The following DIS3L2 variants were observed in gnomAD, a reference collection of about 807,000 sequenced individuals.
The protein encoded by DIS3L2 is DIS3 like 3'-5' exoribonuclease 2.
Under a neutral mutation model 97.5 loss-of-function variants are expected in DIS3L2, and 34 were observed. The observed-to-expected ratio is 0.35, with a 90% CI of 0.27 to 0.46. The LOEUF (loss-of-function observed/expected upper bound fraction) is 0.46, where lower values mean the gene tolerates loss of function less well. Among genes scored for constraint, DIS3L2 ranks in the 20% least tolerant of loss-of-function variants. The pLI, the probability that DIS3L2 is intolerant of heterozygous loss-of-function variation, is 1.00. For missense variants in DIS3L2, 1,038 were observed against 1,146.0 expected, an observed-to-expected ratio of 0.91 and a Z score of 1.36; for synonymous variants, 435 against 445.2, an observed-to-expected ratio of 0.98 and a Z score of 0.29.
chr2:232,083,916 C>T (rs1399038750), intron 5 of DIS3L2, among the ~76,000 whole-genome samples: 3 of 152,146 alleles, frequency 2.0e-5, no homozygotes, highest in African/African-American at 7.2e-5. Flanking sequence ...ACAGGAAAAA[C>T]CATTAAACCC....
rs376340398 is a variant in DIS3L2 at position 232,263,240 on chromosome 2, C to T, written c.1459C>T (p.Arg487Cys). 8 of 1,614,178 alleles carry T rather than the reference C, an allele frequency of 5.0e-6. No homozygotes were observed. The highest frequency in any genetic ancestry group is 1.7e-5 in the Admixed American group (1 of 60,018). ...LDEWFGRTIIRSCTKLSYEHA... is the reference protein window; with the variant it reads ...LDEWFGRTIICSCTKLSYEHA... ...TGAATGGTTTGGCCGGACCATCATCCGCTCCTGCACCAAACTTAGCTACGA... is the reference window on the plus strand; with the variant it reads ...TGAATGGTTTGGCCGGACCATCATCTGCTCCTGCACCAAACTTAGCTACGA... Residue 487 changes from arginine to cysteine, a missense_variant, in exon 13 of 21, where the codon CGC becomes TGC. Physicochemically the swap from Arg to Cys is radical, Grantham distance 180. Transcript: ENST00000325385.
At chr2:231,979,681 G>T (rs1342636344) in intron 1 of DIS3L2, among the ~76,000 whole-genome samples, 1 of 151,886 alleles carries the variant, frequency 6.6e-6, no homozygotes, top group African/African-American at 2.4e-5. Flanking sequence ...GGGTTCAAGC[G>T]ATTCTCCTGC....
intron 6 of DIS3L2, among the ~76,000 whole-genome samples, chr2:232,125,575 T>A (rs1698041732): frequency 6.6e-6 from 1 of 152,182 alleles, no homozygotes; most frequent in Non-Finnish European, 1.5e-5. Context: ...GTATAAGTTG[T>A]AAGTTAAAAG....
At chr2:232,329,788 C>CGGGGCGG in intron 14 of DIS3L2, 25 bp from the exon 15 acceptor site, 1 of 1,080,632 alleles carries the variant, frequency 9.3e-7, no homozygotes, top group Non-Finnish European at 1.3e-6. Context: ...CCAGCGGTCC[C>CGGGGCGG]TCCCATCCCA....
At chr2:232,343,314 C>T (rs748512038) in intron 13 of DIS3L2, 2 of 1,545,356 alleles carry the variant, frequency 1.3e-6, no homozygotes, top group South Asian at 2.4e-5. Flanking sequence ...AACCGCGCCT[C>T]CTCATCCAGG....
At chr2:232,092,500 AT>A (rs1559620528) in intron 6 of DIS3L2, among the ~76,000 whole-genome samples, 1 of 152,018 alleles carries the variant, frequency 6.6e-6, no homozygotes, top group Non-Finnish European at 1.5e-5. Flanking sequence ...TGGTATTGAC[AT>A]TTTAACAATA....
At chr2:232,204,731 C>A (rs574545064) in intron 9 of DIS3L2, among the ~76,000 whole-genome samples, 2 of 152,296 alleles carry the variant, frequency 1.3e-5, no homozygotes, top group African/African-American at 4.8e-5. Flanking sequence ...AAATCCCAAG[C>A]ATGTTAACTG....
intron 1 of DIS3L2, among the ~76,000 whole-genome samples, chr2:231,965,280 T>C (rs1692678063): frequency 6.6e-6 from 1 of 152,210 alleles, no homozygotes; most frequent in South Asian, 2.1e-4. Context: ...GTGCTTCCTA[T>C]GTAGCAGCGG....
intron 9 of DIS3L2, among the ~76,000 whole-genome samples, chr2:232,181,893 C>T (rs1318665839): frequency 6.6e-6 from 1 of 152,146 alleles, no homozygotes; most frequent in African/African-American, 2.4e-5. Flanking sequence ...CTCAGGTGAT[C>T]TGCCCACCTC....
rs773744387 is a variant in DIS3L2, at chr2:232,087,605, C to G, written c.485C>G (p.Pro162Arg). Residue 162 changes from proline to arginine, a missense_variant, in exon 6 of 21, where the codon CCT (proline) becomes CGT (arginine). This residue lies in a region of DIS3L2 where 813 missense variants were observed against 880.1 expected (regional missense o/e 0.92). Coordinates refer to ENST00000325385, the MANE Select transcript of DIS3L2 (RefSeq NM_152383.5). ...QQSLKSYNDS[P>R]DVIVEAQFDG... ...TCCCTGAAAAGCTATAATGACAGTCCTGATGTCATTGTAGAGGCTCAGTTT... is the reference window on the plus strand; with the variant it reads ...TCCCTGAAAAGCTATAATGACAGTCGTGATGTCATTGTAGAGGCTCAGTTT... 1 of 1,614,014 alleles carries G rather than the reference C, an allele frequency of 6.2e-7. No homozygotes were observed. Among genetic ancestry groups the G allele is most frequent in the Non-Finnish European group, 8.5e-7 (1 of 1,179,934 alleles).
intron 3 of DIS3L2, among the ~76,000 whole-genome samples, chr2:232,023,948 G>A (rs1478265665): frequency 6.6e-6 from 1 of 152,092 alleles, no homozygotes; most frequent in African/African-American, 2.4e-5. Context: ...TGTTTGTAAA[G>A]TCAAGGTTTA....
intron 1 of DIS3L2, among the ~76,000 whole-genome samples, chr2:232,003,510 G>A (rs1246839293): frequency 6.6e-6 from 1 of 152,164 alleles, no homozygotes; most frequent in African/African-American, 2.4e-5. Flanking sequence ...CTTTACTCAT[G>A]TATAATTTAC....
At chr2:232,102,819 C>T (rs1201067579) in intron 6 of DIS3L2, among the ~76,000 whole-genome samples, 1 of 152,126 alleles carries the variant, frequency 6.6e-6, no homozygotes, top group Non-Finnish European at 1.5e-5. Flanking sequence ...AACTCTAAAG[C>T]ATAAAATAAT....
intron 14 of DIS3L2, among the ~76,000 whole-genome samples, chr2:232,317,477 C>T (rs2106336263): frequency 6.6e-6 from 1 of 152,278 alleles, no homozygotes; most frequent in East Asian, 1.9e-4. Flanking sequence ...CACTCTGTTG[C>T]CCAGGCTGGA....
chr2:231,980,812 T>C (rs1301246610), intron 1 of DIS3L2, among the ~76,000 whole-genome samples: 2 of 152,222 alleles, frequency 1.3e-5, no homozygotes, highest in African/African-American at 4.8e-5. Flanking sequence ...CTTTATAGTA[T>C]TGAGTCTTTT....
chr2:232,051,675 A>G (rs915783350), intron 5 of DIS3L2, among the ~76,000 whole-genome samples: 1 of 149,870 alleles, frequency 6.7e-6, no homozygotes, highest in Non-Finnish European at 1.5e-5. Context: ...AGCCGGGCGT[A>G]GTGGCGGGCG....
At chr2:232,145,721 C>T (rs868647959) in intron 8 of DIS3L2, among the ~76,000 whole-genome samples, 1 of 152,036 alleles carries the variant, frequency 6.6e-6, no homozygotes. Flanking sequence ...TTTGTTTTTG[C>T]CATCCTCTGT....
intron 14 of DIS3L2, among the ~76,000 whole-genome samples, chr2:232,313,225 T>C (rs1390562733): frequency 6.6e-6 from 1 of 152,232 alleles, no homozygotes; most frequent in African/African-American, 2.4e-5. Context: ...AATGAAAATT[T>C]TTACTGGTGT....
intron 14 of DIS3L2, among the ~76,000 whole-genome samples, chr2:232,308,966 G>A (rs1265457950): frequency 6.6e-6 from 1 of 152,196 alleles, no homozygotes; most frequent in African/African-American, 2.4e-5. Context: ...CAGGATTAAT[G>A]TACGAGAGGT....
Sources: allele counts gnomAD v4.1 joint callset (sites outside exome capture counted in the v4.1 genomes callset), GRCh38; gene constraint gnomAD v4.1.1; regional missense constraint gnomAD v4.1.1; transcripts MANE v1.5; gene names NCBI Gene and HGNC (gene_info 2026-07-23, HGNC 2026-07-21).